The following BTBD2 variants were observed in gnomAD, a reference collection of about 807,000 sequenced individuals.
BTBD2 encodes the protein BTB domain containing 2, also known as BTB/POZ domain-containing protein 2.
A neutral mutation model predicts 44.0 loss-of-function variants in BTBD2; 15 were observed. The ratio of observed to expected loss-of-function variants is 0.34; its 90% CI spans 0.23 to 0.53. BTBD2 has a LOEUF of 0.53. Ranked by LOEUF, BTBD2 falls within the 20% of genes least tolerant of loss-of-function variation. The pLI, the probability that BTBD2 is intolerant of heterozygous loss-of-function variation, is 0.95. For synonymous variants in BTBD2, 443 were observed against 335.9 expected (o/e 1.32, Z -3.49); for missense variants, 657 against 746.4 (o/e 0.88, Z 1.39).
At chr19:2,010,049 G>C (rs2016444550) in intron 1 of BTBD2, among the ~76,000 whole-genome samples, 1 of 152,168 alleles carries the variant, frequency 6.6e-6, no homozygotes, top group African/African-American at 2.4e-5. Context: ...CTACTCGGGA[G>C]GCTGAGGCAG....
In BTBD2 at chr19:1,986,917, G is replaced by T; in HGVS notation, c.1329C>A (p.Asp443Glu). ...LGQNDTGFSC[D>E]GSASTFRVMF... ...TGACGCGGAAGGTGCTGGCTGAGCC[G>T]TCGCAGCTGAAGCCCGTGTCGTTCT... The change falls in exon 8 of 9, where the codon GAC (aspartate) becomes GAA (glutamate). Residue 443 changes from aspartate to glutamate, a missense_variant. Physicochemically the swap from Asp to Glu is conservative, Grantham distance 45. Transcript: ENST00000255608. 1 of 1,613,250 alleles carries T rather than the reference G, an allele frequency of 6.2e-7. No homozygotes were observed.
At chr19:1,992,193 G>C (rs1279654988) in intron 3 of BTBD2, 2 of 151,808 alleles carry the variant, frequency 1.3e-5, no homozygotes, top group African/African-American at 4.8e-5. Context: ...CCCGGGCTCA[G>C]GCAATCTTCC....
chr19:2,012,495 G>A (rs1351761218), intron 1 of BTBD2, among the ~76,000 whole-genome samples: 2 of 152,194 alleles, frequency 1.3e-5, no homozygotes, highest in Non-Finnish European at 2.9e-5. Flanking sequence ...GCCTGTTATT[G>A]TGAGAACAGG....
intron 1 of BTBD2, among the ~76,000 whole-genome samples, chr19:2,009,839 G>A (rs2016441097): frequency 6.7e-6 from 1 of 150,032 alleles, no homozygotes; most frequent in Non-Finnish European, 1.5e-5. Flanking sequence ...AATAGAGCAA[G>A]ATTCTGTCTC....
intron 1 of BTBD2, among the ~76,000 whole-genome samples, chr19:2,003,983 CAG>C (rs200658379): frequency 6.6e-6 from 1 of 151,928 alleles, no homozygotes; most frequent in Admixed American, 6.6e-5. Context: ...AGACAAAGGA[CAG>C]AGAGAACTCA....
chr19:1,999,398 G>A (rs2016295931), intron 1 of BTBD2, among the ~76,000 whole-genome samples: 1 of 152,234 alleles, frequency 6.6e-6, no homozygotes, highest in East Asian at 1.9e-4. Flanking sequence ...CGGGCACGGT[G>A]GCCCACACCC....
chr19:2,010,084 G>A (rs1328528065), intron 1 of BTBD2, among the ~76,000 whole-genome samples: 5 of 152,126 alleles, frequency 3.3e-5, no homozygotes, highest in South Asian at 2.1e-4. Flanking sequence ...CCTGGGAGGC[G>A]GAGCTTGCAG....
intron 5 of BTBD2, 56 bp from the exon 6 acceptor site, chr19:1,987,748 G>T: frequency 1.4e-6 from 2 of 1,479,904 alleles, no homozygotes; most frequent in Non-Finnish European, 9.1e-7. Context: ...GATCCCGAGT[G>T]CCTGGGAGGA....
At chr19:1,988,860 C>A (rs768249611) in intron 5 of BTBD2, among the ~76,000 whole-genome samples, 2 of 152,196 alleles carry the variant, frequency 1.3e-5, no homozygotes, top group Non-Finnish European at 2.9e-5. Flanking sequence ...CATCTTGGGC[C>A]TCCCAAAGTG....
intron 4 of BTBD2, 88 bp downstream of exon 4, chr19:1,990,629 C>A: frequency 7.8e-7 from 1 of 1,283,644 alleles, no homozygotes; most frequent in Non-Finnish European, 1.1e-6. Flanking sequence ...GTGCAACTCC[C>A]CCAGGCCCAA....
At chr19:1,988,750 T>C (rs1332187399) in intron 5 of BTBD2, among the ~76,000 whole-genome samples, 1 of 152,002 alleles carries the variant, frequency 6.6e-6, no homozygotes, top group South Asian at 2.1e-4. Flanking sequence ...TTTACAGGCA[T>C]GCGCCACCAT....
intron 1 of BTBD2, among the ~76,000 whole-genome samples, chr19:2,012,276 C>T (rs1483407565): frequency 1.3e-5 from 2 of 151,226 alleles, no homozygotes; most frequent in East Asian, 3.9e-4. Flanking sequence ...CCTCAGCCTC[C>T]TGAGTAGCTG....
At chr19:1,987,070 C>G in intron 7 of BTBD2, 94 bp from the exon 8 acceptor site, 2 of 1,591,900 alleles carry the variant, frequency 1.3e-6, no homozygotes, top group African/African-American at 1.3e-5. Context: ...GGGGGCAGCA[C>G]AGGGACCAGG....
chr19:1,997,247 G>A, intron 2 of BTBD2, 97 bp downstream of exon 2: 1 of 1,547,520 alleles, frequency 6.5e-7, no homozygotes, highest in Non-Finnish European at 8.8e-7. Flanking sequence ...TCTCCACCAA[G>A]CCAGGGCCTC....
chr19:1,999,767 G>T (rs71337072), intron 1 of BTBD2, among the ~76,000 whole-genome samples: 18,247 of 151,772 alleles, frequency 0.12, 1,304 homozygotes, highest in East Asian at 0.26. Flanking sequence ...TGGGAGACCA[G>T]CCTGGCCAAC....
In BTBD2 at chr19:1,987,574, C is replaced by T; in HGVS notation, c.1107G>A (p.Gly369=). ...FIDRPRCCLR[G]KECSINRFQQ... ...GGAAGCGGTTGATGCTGCACTCCTTCCCACGCAGGCAGCAGCGGGGCCGGT... is the reference window on the plus strand; with the variant it reads ...GGAAGCGGTTGATGCTGCACTCCTTTCCACGCAGGCAGCAGCGGGGCCGGT... The change falls in exon 6 of 9, where the codon GGG becomes GGA. Residue 369 remains glycine, a synonymous_variant. Coordinates refer to ENST00000255608, the MANE Select transcript of BTBD2 (RefSeq NM_017797.4). The T allele has an allele frequency of 1.9e-6, 3 of 1,612,226 alleles. No homozygotes were observed. Among genetic ancestry groups the T allele is most frequent in the Non-Finnish European group, 2.5e-6 (3 of 1,179,462 alleles).
intron 2 of BTBD2, among the ~76,000 whole-genome samples, 155 bp from the exon 3 acceptor site, chr19:1,993,331 G>A (rs2016207174): frequency 6.6e-6 from 1 of 152,208 alleles, no homozygotes; most frequent in South Asian, 2.1e-4. Context: ...GAACCTTCCA[G>A]AATTAGCCCC....
chr19:1,989,725 G>A, intron 5 of BTBD2: 1 of 492,238 alleles, frequency 2.0e-6, no homozygotes, highest in Non-Finnish European at 3.7e-6. Context: ...AAGGGCGCGA[G>A]ACGGGGACTC....
At chr19:2,012,665 G>A (rs1052700526) in intron 1 of BTBD2, among the ~76,000 whole-genome samples, 1 of 152,114 alleles carries the variant, frequency 6.6e-6, no homozygotes, top group Non-Finnish European at 1.5e-5. Context: ...TCCCAGGCCC[G>A]CCCACCTTAC....
Sources: gnomAD v4.1 joint callset for allele counts (sites outside exome capture counted in the v4.1 genomes callset) on GRCh38, gnomAD v4.1.1 for gene constraint, MANE v1.5 for transcripts, NCBI Gene and HGNC (gene_info 2026-07-23, HGNC 2026-07-21) for gene names.